Variants in CSE1L observed in about 807,000 individuals in gnomAD.
CSE1L encodes the protein exportin-2.
Under a neutral mutation model 120.4 loss-of-function variants are expected in CSE1L, and 24 were observed. That is an observed-to-expected ratio of 0.20 (90% CI 0.14 to 0.28). The LOEUF (loss-of-function observed/expected upper bound fraction) is 0.28. Among genes scored for constraint, CSE1L ranks in the 10% least tolerant of loss-of-function variants. The pLI, the probability that CSE1L is intolerant of heterozygous loss-of-function variation, is 1.00. For missense variants in CSE1L, 830 were observed against 1,145.2 expected, an observed-to-expected ratio of 0.72 and a Z score of 3.97; for synonymous variants, 402 against 398.3, an observed-to-expected ratio of 1.01 and a Z score of -0.11.
intron 15 of CSE1L, 116 bp from the exon 16 acceptor site, chr20:49,085,167 T>A (rs975239761): frequency 2.8e-6 from 2 of 727,190 alleles, no homozygotes; most frequent in Non-Finnish European, 4.9e-6. Context: ...CAATTGTCAG[T>A]GGTGGGAGAT....
intron 1 of CSE1L, among the ~76,000 whole-genome samples, chr20:49,052,573 G>C (rs986794887): frequency 6.6e-6 from 1 of 152,168 alleles, no homozygotes; most frequent in Non-Finnish European, 1.5e-5. Context: ...GATGAGGTCA[G>C]TAGATACCAG....
rs1262820591 is a variant in CSE1L at position 49,074,664 on chromosome 20, C to G, written c.1067-121C>G. On this transcript the variant is annotated intron_variant, in intron 10 of 24. Transcript: ENST00000262982. ...GATTAAGAGTATATGAAGTAGTCATCTGATGGGAACGAATTCTTTGCTGTA... is the reference window on the plus strand; with the variant it reads ...GATTAAGAGTATATGAAGTAGTCATGTGATGGGAACGAATTCTTTGCTGTA... 4 of 662,880 alleles carry G rather than the reference C, an allele frequency of 6.0e-6. No homozygotes were observed. In the East Asian group the frequency reaches 8.9e-5, roughly 15 times the overall value. 41.1% of individuals were successfully genotyped at this position (662,880 alleles called of 1,614,324 possible).
At chr20:49,093,400 AAC>A (rs149534680) in intron 22 of CSE1L, among the ~76,000 whole-genome samples, 6,987 of 152,242 alleles carry the variant, frequency 0.046, 484 homozygotes, top group African/African-American at 0.15. Context: ...GCATGTTTGC[AAC>A]AACATAGAAT....
intron 1 of CSE1L, among the ~76,000 whole-genome samples, chr20:49,050,844 G>T (rs2091761805): frequency 6.6e-6 from 1 of 152,168 alleles, no homozygotes; most frequent in Non-Finnish European, 1.5e-5. Flanking sequence ...TTACAGAAGT[G>T]AGCCACCTTG....
At chr20:49,055,680 CT>C (rs1370173868) in intron 1 of CSE1L, among the ~76,000 whole-genome samples, 1 of 152,096 alleles carries the variant, frequency 6.6e-6, no homozygotes, top group African/African-American at 2.4e-5. Context: ...GATCATGCCC[CT>C]GCAGTCCAAC....
In CSE1L at chr20:49,059,618, G is replaced by C. The variant is rs189800603; in HGVS notation, c.85+1070G>C. Among the ~76,000 whole-genome samples the C allele has an allele frequency of 1.4e-3, 211 of 152,120 alleles. 1 individual carries two copies. The highest frequency in any genetic ancestry group is 4.9e-3 in the African/African-American group (205 of 41,502). On this transcript the variant is annotated intron_variant, in intron 2 of 24. Transcript: ENST00000262982. ...TTTGGGGCCGGGTGCGGTGGCTCACGCTTGTAATCCCAGCACTTTGGGAGG... is the reference window on the plus strand; with the variant it reads ...TTTGGGGCCGGGTGCGGTGGCTCACCCTTGTAATCCCAGCACTTTGGGAGG...
intron 13 of CSE1L, among the ~76,000 whole-genome samples, chr20:49,078,328 A>G (rs1351303473): frequency 6.6e-6 from 1 of 152,214 alleles, no homozygotes; most frequent in Non-Finnish European, 1.5e-5. Flanking sequence ...GGTCCAGCTC[A>G]TTTTTACTCA....
intron 7 of CSE1L, among the ~76,000 whole-genome samples, chr20:49,069,065 C>G (rs543516156): frequency 6.6e-6 from 1 of 152,258 alleles, no homozygotes; most frequent in East Asian, 1.9e-4. Flanking sequence ...CATCCTAACT[C>G]ACTCTTGGAG....
chr20:49,066,615 A>G (rs1036812346), intron 5 of CSE1L, 105 bp downstream of exon 5: 5 of 1,029,828 alleles, frequency 4.9e-6, no homozygotes, highest in African/African-American at 1.6e-5. Flanking sequence ...GAATCTGATC[A>G]TCTTGGAATG....
intron 1 of CSE1L, among the ~76,000 whole-genome samples, chr20:49,054,830 C>G (rs569981371): frequency 8.7e-4 from 133 of 152,290 alleles, no homozygotes; most frequent in South Asian, 3.5e-3. Context: ...ATCTCCTAGC[C>G]CACTATTCTC....
chr20:49,091,286 A>G (rs1423991309), intron 21 of CSE1L, among the ~76,000 whole-genome samples: 3 of 150,796 alleles, frequency 2.0e-5, no homozygotes, highest in African/African-American at 4.9e-5. Context: ...TTAGCCAGGC[A>G]TGGTGGCATG....
In CSE1L at chr20:49,050,671, A is replaced by G. The variant is rs1362967005; in HGVS notation, c.-12+4248A>G. ...GATGATCCGCCTGCTTCGGCCTCCCAAAGTGCTGGGATTACAGACGTAAGC... is the reference window on the plus strand; with the variant it reads ...GATGATCCGCCTGCTTCGGCCTCCCGAAGTGCTGGGATTACAGACGTAAGC... On this transcript the variant is annotated intron_variant, in intron 1 of 24. Transcript: ENST00000262982. Among the ~76,000 whole-genome samples the G allele has an allele frequency of 2.0e-5, 3 of 151,378 alleles. No homozygotes were observed. In the East Asian group the frequency reaches 5.8e-4, roughly 29 times the overall value.
intron 10 of CSE1L, 87 bp from the exon 11 acceptor site, chr20:49,074,698 C>A: frequency 3.0e-6 from 3 of 1,008,410 alleles, no homozygotes; most frequent in South Asian, 1.6e-5. Flanking sequence ...TAGAACAAGG[C>A]AGTTTTACAT....
Position 49,096,703 on chromosome 20 carries a change from CGTTTGCACG to C in CSE1L, c.*271_*279del, listed in dbSNP as rs1568792082. On this transcript the variant is annotated 3_prime_UTR_variant, in exon 25 of 25. Transcript: ENST00000262982. The stretch of plus-strand genomic sequence containing the variant: ...GTGTATGGCGTTGGTTTGTGTTGAG[CGTTTGCACG>C]GTTTGGATAATCTTAAATTTTGACG... 2.4e-6 allele frequency: 1 copy of C among 425,126 alleles called. No individual in the cohort carries two copies. The highest frequency in any genetic ancestry group is 4.0e-5 in the East Asian group (1 of 24,960). 26.3% of individuals were successfully genotyped at this position (425,126 alleles called of 1,614,324 possible).
chr20:49,057,375 A>G (rs1211536133), intron 1 of CSE1L, among the ~76,000 whole-genome samples: 2 of 151,066 alleles, frequency 1.3e-5, no homozygotes, highest in Non-Finnish European at 2.9e-5. Flanking sequence ...ACATGAAGGA[A>G]TTTCTTGTTT....
intron 1 of CSE1L, among the ~76,000 whole-genome samples, chr20:49,052,453 A>T (rs1331821802): frequency 1.3e-5 from 2 of 152,242 alleles, no homozygotes; most frequent in Non-Finnish European, 2.9e-5. Flanking sequence ...GGTGTCCATT[A>T]TCAAATTAGA....
At position 49,066,231 on chromosome 20, in the gene CSE1L, G is replaced by A; in HGVS notation, c.268G>A (p.Val90Met). The A allele has an allele frequency of 1.2e-6, 2 of 1,614,234 alleles. No homozygotes were observed. The highest frequency in any genetic ancestry group is 1.6e-4 in the Middle Eastern group (1 of 6,062). The change falls in exon 4 of 25, where the codon GTG (valine) becomes ATG (methionine). Residue 90 changes from valine to methionine, a missense_variant. Around this residue, in one of 4 missense-constraint regions of CSE1L, gnomAD observed 543 missense variants for 640.2 expected, o/e 0.85. Transcript: ENST00000262982. ...EPNKICEADR[V>M]AIKANIVHLM... ...AAACAAAATTTGTGAAGCCGATCGA[G>A]TGGCCATTAAAGCCAACATAGTGCA...
intron 3 of CSE1L, among the ~76,000 whole-genome samples, chr20:49,064,317 A>G (rs2091874468): frequency 6.6e-6 from 1 of 152,262 alleles, no homozygotes; most frequent in African/African-American, 2.4e-5. Context: ...AACTGCTCAA[A>G]AACATCTTAG....
At chr20:49,068,672 G>C (rs909870416) in intron 6 of CSE1L, 43 bp from the exon 7 acceptor site, 1 of 1,271,994 alleles carries the variant, frequency 7.9e-7, no homozygotes, top group Non-Finnish European at 1.2e-6. Context: ...AGCATGCTGG[G>C]TTTATGATGC....
Sources: gnomAD v4.1 joint callset for allele counts (sites outside exome capture counted in the v4.1 genomes callset) on GRCh38, gnomAD v4.1.1 for gene constraint, gnomAD v4.1.1 regional missense constraint, MANE v1.5 for transcripts, NCBI Gene and HGNC (gene_info 2026-07-23, HGNC 2026-07-21) for gene names.